CAMK4: variants seen among roughly 807,000 people sequenced by gnomAD.
The protein encoded by CAMK4 is calcium/calmodulin-dependent protein kinase type IV.
A neutral mutation model predicts 44.9 loss-of-function variants in CAMK4; 22 were observed. The ratio of observed to expected loss-of-function variants is 0.49; its 90% CI spans 0.35 to 0.70. CAMK4 has a LOEUF of 0.70. Among genes scored for constraint, CAMK4 ranks in the 30% least tolerant of loss-of-function variants. The probability of loss-of-function intolerance (pLI) is 0.01; values close to 1 mark genes in which losing one functional copy is unlikely to be tolerated. For synonymous variants in CAMK4, 218 were observed against 215.4 expected (o/e 1.01, Z -0.11); for missense variants, 498 against 586.8 (o/e 0.85, Z 1.56).
intron 1 of CAMK4, among the ~76,000 whole-genome samples, chr5:111,319,705 A>T (rs1022616542): frequency 6.6e-6 from 1 of 152,194 alleles, no homozygotes; most frequent in Non-Finnish European, 1.5e-5. Context: ...TACAATGTAG[A>T]AAGCATATCC....
At chr5:111,375,408 A>C (rs1751177494) in intron 3 of CAMK4, among the ~76,000 whole-genome samples, 1 of 152,206 alleles carries the variant, frequency 6.6e-6, no homozygotes, top group East Asian at 1.9e-4. Context: ...GGCTTTGTCC[A>C]GACAGCCTCT....
intron 9 of CAMK4, among the ~76,000 whole-genome samples, chr5:111,481,527 T>C (rs1049249949): frequency 6.6e-6 from 1 of 152,206 alleles, no homozygotes; most frequent in African/African-American, 2.4e-5. Context: ...CTCATTTGAC[T>C]TGCCGCCTGA....
rs1755989319 is a variant in CAMK4, at chr5:111,494,441, A to C, written c.*9975A>C. ...GTACATACAGAAAATGTTTGTAGAGAATTCATCAAAATCATGCCCATTTGC... is the reference window on the plus strand; with the variant it reads ...GTACATACAGAAAATGTTTGTAGAGCATTCATCAAAATCATGCCCATTTGC... On this transcript the variant is annotated 3_prime_UTR_variant, in exon 11 of 11. Coordinates refer to ENST00000282356, the MANE Select transcript of CAMK4 (RefSeq NM_001744.6). 6.6e-6 allele frequency: 1 copy of C among 152,048 alleles called. No individual in the cohort carries two copies. Among genetic ancestry groups the C allele is most frequent in the Admixed American group, 6.6e-5 (1 of 15,258 alleles). The allele number at this position is 152,048 out of a possible 1,614,324, so 9.4% of individuals were successfully genotyped here.
At chr5:111,413,441 G>C (rs1048876360) in intron 5 of CAMK4, among the ~76,000 whole-genome samples, 1 of 152,084 alleles carries the variant, frequency 6.6e-6, no homozygotes, top group Non-Finnish European at 1.5e-5. Context: ...GCCAGGGATG[G>C]TGATGTGCAC....
At chr5:111,459,280 G>A (rs748146239) in intron 7 of CAMK4, among the ~76,000 whole-genome samples, 24 of 152,276 alleles carry the variant, frequency 1.6e-4, no homozygotes, top group South Asian at 2.1e-4. Context: ...GAATTGTGAT[G>A]GATGTTGCAA....
intron 5 of CAMK4, among the ~76,000 whole-genome samples, chr5:111,426,408 C>T (rs1248210325): frequency 6.6e-6 from 1 of 152,082 alleles, no homozygotes; most frequent in Non-Finnish European, 1.5e-5. Flanking sequence ...ACACTGTGAA[C>T]ATAATTTTAA....
intron 7 of CAMK4, among the ~76,000 whole-genome samples, chr5:111,454,799 A>G (rs958210370): frequency 6.6e-6 from 1 of 152,186 alleles, no homozygotes; most frequent in African/African-American, 2.4e-5. Flanking sequence ...ACCCACGCCA[A>G]TCCTAGAAAA....
At chr5:111,422,547 C>T (rs549858928) in intron 5 of CAMK4, among the ~76,000 whole-genome samples, 40 of 152,256 alleles carry the variant, frequency 2.6e-4, no homozygotes, top group African/African-American at 8.2e-4. Flanking sequence ...TCTGTACAAA[C>T]GTCCACTAAT....
At chr5:111,232,743 T>G (rs934986293) in intron 1 of CAMK4, among the ~76,000 whole-genome samples, 8 of 151,382 alleles carry the variant, frequency 5.3e-5, no homozygotes, top group Non-Finnish European at 8.8e-5. Context: ...TGGGGCTAGA[T>G]AAGAGAAAAC....
At chr5:111,417,681 G>C (rs577447926) in intron 5 of CAMK4, among the ~76,000 whole-genome samples, 1 of 152,246 alleles carries the variant, frequency 6.6e-6, no homozygotes, top group South Asian at 2.1e-4. Flanking sequence ...AAATTAACAA[G>C]TTAGTATGCC....
Position 111,488,274 on chromosome 5 carries a change from A to C in CAMK4, c.*3808A>C, listed in dbSNP as rs547840434. 1.3e-5 allele frequency: 2 copies of C among 152,356 alleles called. No homozygotes were observed. Among genetic ancestry groups the C allele is most frequent in the East Asian group, 3.8e-4 (2 of 5,196 alleles). 9.4% of individuals were successfully genotyped at this position (152,356 alleles called of 1,614,324 possible). ...TGGTGATATCATGCCAGTTATCCTC[A>C]AAGTGGGAATATGACCATTAGCTGG... On this transcript the variant is annotated 3_prime_UTR_variant, in exon 11 of 11. Coordinates refer to ENST00000282356, the MANE Select transcript of CAMK4 (RefSeq NM_001744.6).
At chr5:111,448,038 C>T (rs1209351740) in intron 6 of CAMK4, among the ~76,000 whole-genome samples, 1 of 152,194 alleles carries the variant, frequency 6.6e-6, no homozygotes, top group Non-Finnish European at 1.5e-5. Context: ...GGATCAGGCA[C>T]CTGCCAGGAA....
chr5:111,433,432 C>T (rs2112944476), intron 5 of CAMK4, among the ~76,000 whole-genome samples: 1 of 152,290 alleles, frequency 6.6e-6, no homozygotes, highest in East Asian at 1.9e-4. Flanking sequence ...ATGCATTTTA[C>T]AGGACAGCTC....
In CAMK4 at chr5:111,409,281, G is replaced by A. The variant is rs559830029; in HGVS notation, c.459+14499G>A. On this transcript the variant is annotated intron_variant, in intron 5 of 10. Coordinates refer to ENST00000282356, the MANE Select transcript of CAMK4 (RefSeq NM_001744.6). ...TTCCCAACCTCAGTTCTTGACTTCT[G>A]TGCACCCACAGGCTCAACACCATGT... 5.3e-5 allele frequency among the ~76,000 whole-genome samples: 8 copies of A among 152,318 alleles called. No individual in the cohort carries two copies. The South Asian group carries it at 1.0e-3, about 20-fold the overall frequency.
intron 5 of CAMK4, among the ~76,000 whole-genome samples, chr5:111,412,511 T>G (rs1033143819): frequency 3.3e-5 from 5 of 152,184 alleles, no homozygotes; most frequent in African/African-American, 9.6e-5. Flanking sequence ...GCCTCAGTCC[T>G]CAAACCAGTA....
At chr5:111,376,016 G>T (rs968513014) in intron 3 of CAMK4, among the ~76,000 whole-genome samples, 2 of 152,016 alleles carry the variant, frequency 1.3e-5, no homozygotes, top group African/African-American at 2.4e-5. Flanking sequence ...CTGCATGGGG[G>T]CTGTGAAATT....
intron 2 of CAMK4, among the ~76,000 whole-genome samples, chr5:111,373,882 G>A (rs935963782): frequency 1.3e-5 from 2 of 152,074 alleles, no homozygotes; most frequent in African/African-American, 4.8e-5. Context: ...ACATTAAAAC[G>A]TTTATGTCTA....
chr5:111,297,142 T>A (rs771490552), intron 1 of CAMK4, among the ~76,000 whole-genome samples: 3 of 152,220 alleles, frequency 2.0e-5, no homozygotes, highest in Non-Finnish European at 4.4e-5. Flanking sequence ...GAATTCCAAT[T>A]TTTTGAAAAT....
intron 5 of CAMK4, among the ~76,000 whole-genome samples, chr5:111,398,880 A>G (rs10063269): frequency 0.37 from 56,418 of 151,966 alleles, 11,192 homozygotes; most frequent in South Asian, 0.51. Flanking sequence ...CAGTCAGCCT[A>G]TCTCCAAATT....
Sources: allele counts gnomAD v4.1 joint callset (sites outside exome capture counted in the v4.1 genomes callset), GRCh38; gene constraint gnomAD v4.1.1; transcripts MANE v1.5; gene names NCBI Gene and HGNC (gene_info 2026-07-23, HGNC 2026-07-21).